GSDMC: variants seen among roughly 807,000 people sequenced by gnomAD.
The protein encoded by GSDMC is gasdermin-C.
Under a neutral mutation model 58.0 loss-of-function variants are expected in GSDMC, and 59 were observed. That is an observed-to-expected ratio of 1.02 (90% CI 0.82 to 1.26). GSDMC has a LOEUF of 1.26. Ranked by LOEUF, GSDMC falls within the 50% of genes most tolerant of loss-of-function variation. The pLI is 0.00. For synonymous variants in GSDMC, 241 were observed against 220.2 expected (o/e 1.09, Z -0.83); for missense variants, 659 against 598.5 (o/e 1.10, Z -1.06).
chr8:129,743,337 C>T (rs958544047), downstream of GSDMC, among the ~76,000 whole-genome samples: 2 of 152,092 alleles, frequency 1.3e-5, no homozygotes, highest in Non-Finnish European at 2.9e-5. Flanking sequence ...TTTATCATTC[C>T]ATCTGCATTA....
chr8:129,784,687 C>A (rs899405997), intron 1 of GSDMC, among the ~76,000 whole-genome samples: 7 of 152,114 alleles, frequency 4.6e-5, no homozygotes, highest in African/African-American at 1.4e-4. Context: ...CAGTTTGGAC[C>A]TTCCTCAAAA....
At position 129,748,593 on chromosome 8, in the gene GSDMC, T is replaced by C. The variant is rs753795099; in HGVS notation, c.1435A>G (p.Asn479Asp). The C allele has an allele frequency of 1.9e-6, 3 of 1,613,820 alleles. No individual in the cohort carries two copies. The South Asian group carries it at 3.3e-5, about 18-fold the overall frequency. The change falls in exon 14 of 14, where the codon AAC becomes GAC. Residue 479 changes from asparagine (N) to aspartate (D), a missense_variant. Coordinates refer to ENST00000276708, the MANE Select transcript of GSDMC (RefSeq NM_031415.3). ...EECGLRMELD[N>D]PRSTWDVEAK... ...TCTACATCCCAGGTTGACCTGGGGT[T>C]ATCCAGCTCCATCCTAAGGCCACAC...
At chr8:129,764,730 A>G (rs1353324900) in intron 4 of GSDMC, among the ~76,000 whole-genome samples, 1 of 152,232 alleles carries the variant, frequency 6.6e-6, no homozygotes, top group African/African-American at 2.4e-5. Context: ...CCATGAATGT[A>G]TACATCTACC....
chr8:129,712,513 T>G, the GSDMC span, among the ~76,000 whole-genome samples: 2 of 152,088 alleles, frequency 1.3e-5, no homozygotes, highest in Non-Finnish European at 2.9e-5. Context: ...CAAGTTGTAC[T>G]CTACACAAGT....
At position 129,782,018 on chromosome 8, in the gene GSDMC, C is replaced by T. The variant is rs115467551; in HGVS notation, c.-5+3993G>A. ...AAAAAGTTGAAATAATATAACGTATCTTCTCTGAACAAAATGGAATAAAAC... is the reference window on the plus strand; with the variant it reads ...AAAAAGTTGAAATAATATAACGTATTTTCTCTGAACAAAATGGAATAAAAC... On this transcript the variant is annotated intron_variant, in intron 1 of 13. Transcript: ENST00000276708. Among the ~76,000 whole-genome samples, 1,406 of 152,272 alleles carry T rather than the reference C, an allele frequency of 9.2e-3. 22 individuals are homozygous for T. The highest frequency in any genetic ancestry group is 0.032 in the African/African-American group (1,343 of 41,562).
the GSDMC span, among the ~76,000 whole-genome samples, chr8:129,731,038 T>G: frequency 1.3e-5 from 2 of 152,180 alleles, no homozygotes; most frequent in Non-Finnish European, 2.9e-5. Context: ...AAACATAAAG[T>G]GGTAGAAATA....
chr8:129,760,505 T>TAAAAATAA, intron 6 of GSDMC, 40 bp downstream of exon 6: 8 of 1,315,808 alleles, frequency 6.1e-6, no homozygotes, highest in Non-Finnish European at 8.7e-6. Context: ...CATGTACTCA[T>TAAAAATAA]AAAAATAAAA....
chr8:129,729,749 TA>T, the GSDMC span: 3 of 583,516 alleles, frequency 5.1e-6, no homozygotes, highest in Non-Finnish European at 9.2e-6. Flanking sequence ...TTTGCTATTG[TA>T]AAAAGTGTCG....
At chr8:129,706,744 T>G in the GSDMC span, 2 of 152,118 alleles carry the variant, frequency 1.3e-5, no homozygotes, top group South Asian at 4.1e-4. Context: ...CAGTTAAAAC[T>G]CATGAGGACA....
chr8:129,709,626 A>AGATAGATAGAT, the GSDMC span, among the ~76,000 whole-genome samples: 3 of 151,926 alleles, frequency 2.0e-5, no homozygotes, highest in African/African-American at 7.3e-5. Flanking sequence ...ATAGATAGAT[A>AGATAGATAGAT]GATAGATAGA....
chr8:129,715,144 A>T, the GSDMC span, among the ~76,000 whole-genome samples: 1 of 152,220 alleles, frequency 6.6e-6, no homozygotes, highest in African/African-American at 2.4e-5. Context: ...ACACAGGGTC[A>T]TAAACAGTGT....
At chr8:129,755,385 G>C (rs1327030602) in intron 6 of GSDMC, among the ~76,000 whole-genome samples, 1 of 152,072 alleles carries the variant, frequency 6.6e-6, no homozygotes, top group African/African-American at 2.4e-5. Context: ...ATCCTCCAAG[G>C]ATGAAGGAGA....
intron 7 of GSDMC, among the ~76,000 whole-genome samples, 172 bp downstream of exon 7, chr8:129,752,526 C>T (rs749865399): frequency 6.6e-6 from 1 of 152,166 alleles, no homozygotes; most frequent in African/African-American, 2.4e-5. Flanking sequence ...GGTCAGGGAT[C>T]AGCAGTGCCT....
rs2033627752 is a variant in GSDMC, at chr8:129,760,720, T to G, written c.677-131A>C. 5 of 575,242 alleles carry G rather than the reference T, an allele frequency of 8.7e-6. No homozygotes were observed. In the East Asian group the frequency reaches 1.4e-4, roughly 16 times the overall value. 35.6% of individuals were successfully genotyped at this position (575,242 alleles called of 1,614,324 possible). ...TGACCACTGGCCTCACTCTGTGCCTTCTGAATCACTTTGAAAGGTGCCCTG... is the reference window on the plus strand; with the variant it reads ...TGACCACTGGCCTCACTCTGTGCCTGCTGAATCACTTTGAAAGGTGCCCTG... On this transcript the variant is annotated intron_variant, in intron 5 of 13. Coordinates refer to ENST00000276708, the MANE Select transcript of GSDMC (RefSeq NM_031415.3).
chr8:129,754,073 T>G (rs1439111534), intron 6 of GSDMC, among the ~76,000 whole-genome samples: 2 of 152,220 alleles, frequency 1.3e-5, no homozygotes, highest in East Asian at 3.8e-4. Flanking sequence ...CTGGGAAAAC[T>G]CACTGCTCTG....
chr8:129,782,770 TACCAAACA>T (rs2034450918), intron 1 of GSDMC, among the ~76,000 whole-genome samples: 1 of 151,764 alleles, frequency 6.6e-6, no homozygotes, highest in Non-Finnish European at 1.5e-5. Flanking sequence ...TGCTGAATTC[TACCAAACA>T]TTTAAAGAAG....
the GSDMC span, among the ~76,000 whole-genome samples, chr8:129,730,890 G>A: frequency 6.6e-6 from 1 of 152,158 alleles, no homozygotes; most frequent in Non-Finnish European, 1.5e-5. Context: ...GTGACCATCT[G>A]TAATCATGAT....
the GSDMC span, chr8:129,729,219 C>A: frequency 1.6e-6 from 1 of 644,112 alleles, no homozygotes; most frequent in Non-Finnish European, 3.0e-6. Flanking sequence ...CATTTTGAGA[C>A]CCTGGAATAT....
At chr8:129,727,982 A>T in the GSDMC span, among the ~76,000 whole-genome samples, 1 of 152,272 alleles carries the variant, frequency 6.6e-6, no homozygotes, top group South Asian at 2.1e-4. Flanking sequence ...CTCTGAGATC[A>T]TGGTGTAGCA....
Sources: gnomAD v4.1 joint callset for allele counts (sites outside exome capture counted in the v4.1 genomes callset) on GRCh38, gnomAD v4.1.1 for gene constraint, MANE v1.5 for transcripts, NCBI Gene and HGNC (gene_info 2026-07-23, HGNC 2026-07-21) for gene names.